The following GALNT18 variants were observed in gnomAD, a reference collection of about 807,000 sequenced individuals.
The protein encoded by GALNT18 is GalNAc-transferase 18.
GALNT18 carries 44 observed loss-of-function variants against 69.5 expected under a neutral mutation model. The ratio of observed to expected loss-of-function variants is 0.63; its 90% CI spans 0.50 to 0.81. The LOEUF (loss-of-function observed/expected upper bound fraction) is 0.81. Ranked by LOEUF, GALNT18 falls within the 40% of genes least tolerant of loss-of-function variation. The probability of loss-of-function intolerance (pLI) is 0.00; values close to 1 mark genes in which losing one functional copy is unlikely to be tolerated. For missense variants in GALNT18, 715 were observed against 810.0 expected, an observed-to-expected ratio of 0.88 and a Z score of 1.42; for synonymous variants, 364 against 318.2, an observed-to-expected ratio of 1.14 and a Z score of -1.53.
chr11:11,452,257 A>T (rs1471024785), intron 1 of GALNT18, among the ~76,000 whole-genome samples: 1 of 152,232 alleles, frequency 6.6e-6, no homozygotes, highest in African/African-American at 2.4e-5. Flanking sequence ...TTTATCCTCC[A>T]GCTCTACCAT....
In GALNT18 at chr11:11,523,239, A is replaced by G. The variant is rs945772608; in HGVS notation, c.236-74303T>C. Among the ~76,000 whole-genome samples, 1 of 152,180 alleles carries G rather than the reference A, an allele frequency of 6.6e-6. No individual in the cohort carries two copies. The highest frequency in any genetic ancestry group is 1.9e-4 in the East Asian group (1 of 5,180). On this transcript the variant is annotated intron_variant, in intron 1 of 10. Coordinates refer to ENST00000227756, the MANE Select transcript of GALNT18 (RefSeq NM_198516.3). The surrounding 1 kb of genome is among the most constrained non-coding windows in gnomAD (Gnocchi z 4.3). ...TTTCTTTCAAAGAACTGCAATCAGA[A>G]TAGGTCCTGCATGCCCTCCAAGTAC...
chr11:11,493,267 C>CAAAAAAAAA (rs142149447), intron 1 of GALNT18, among the ~76,000 whole-genome samples: 1 of 71,356 alleles, frequency 1.4e-5, no homozygotes, highest in African/African-American at 5.3e-5. Context: ...TCCTTCATCT[C>CAAAAAAAAA]AAAAAAAAAA....
At chr11:11,407,591 C>A (rs932623651) in intron 3 of GALNT18, among the ~76,000 whole-genome samples, 2 of 152,176 alleles carry the variant, frequency 1.3e-5, no homozygotes, top group Non-Finnish European at 1.5e-5. Flanking sequence ...ATGTAGCCAG[C>A]CAATGCTGCC....
intron 6 of GALNT18, among the ~76,000 whole-genome samples, chr11:11,345,264 A>C (rs1356360372): frequency 6.6e-6 from 1 of 152,222 alleles, no homozygotes; most frequent in Non-Finnish European, 1.5e-5. Context: ...CAGCCAGAAG[A>C]TGTGGACTCA....
chr11:11,485,469 G>A (rs958720244), intron 1 of GALNT18, among the ~76,000 whole-genome samples: 3 of 152,212 alleles, frequency 2.0e-5, no homozygotes, highest in African/African-American at 7.2e-5. Flanking sequence ...AGAAATGCAT[G>A]GTGTAAGGCA....
intron 6 of GALNT18, chr11:11,352,922 A>C (rs776047569): frequency 6.2e-7 from 1 of 1,613,796 alleles, no homozygotes; most frequent in Non-Finnish European, 8.5e-7. Context: ...GAATTTTAAC[A>C]ACAACTTTTT....
At chr11:11,547,029 A>G (rs1565005251) in intron 1 of GALNT18, among the ~76,000 whole-genome samples, 1 of 152,058 alleles carries the variant, frequency 6.6e-6, no homozygotes, top group Non-Finnish European at 1.5e-5. Flanking sequence ...CTTGGCTACT[A>G]CTTTTAAACT....
intron 6 of GALNT18, among the ~76,000 whole-genome samples, chr11:11,370,553 C>G (rs1157393918): frequency 6.6e-6 from 1 of 151,150 alleles, no homozygotes; most frequent in African/African-American, 2.4e-5. Context: ...TCCAATGACA[C>G]TTCATTTCTG....
At chr11:11,574,279 G>C (rs573534787) in intron 1 of GALNT18, among the ~76,000 whole-genome samples, 1 of 152,148 alleles carries the variant, frequency 6.6e-6, no homozygotes, top group Non-Finnish European at 1.5e-5. Context: ...AAAGTAGATG[G>C]CTTCTGAAGG....
rs914102374 is a variant in GALNT18, at chr11:11,344,884, C to A, written c.1093-3880G>T. ...TATGTAACCTCTTGGCTAACAAACA[C>A]CCATGACAATGGATACCACACCAGG... On this transcript the variant is annotated intron_variant, in intron 6 of 10. Coordinates refer to ENST00000227756, the MANE Select transcript of GALNT18 (RefSeq NM_198516.3). 7.0e-4 allele frequency among the ~76,000 whole-genome samples: 107 copies of A among 151,814 alleles called. 1 individual carries two copies. The highest frequency in any genetic ancestry group is 6.4e-3 in the Middle Eastern group (2 of 314).
Position 11,356,992 on chromosome 11 carries a change from C to G in GALNT18, c.1092+15523G>C, listed in dbSNP as rs1850542387. 6.6e-6 allele frequency among the ~76,000 whole-genome samples: 1 copy of G among 152,162 alleles called. No individual in the cohort carries two copies. Among genetic ancestry groups the G allele is most frequent in the South Asian group, 2.1e-4 (1 of 4,826 alleles). On this transcript the variant is annotated intron_variant, in intron 6 of 10. Coordinates refer to ENST00000227756, the MANE Select transcript of GALNT18 (RefSeq NM_198516.3). This position sits in a 1 kb window ranked among gnomAD's most constrained non-coding sequence, Gnocchi z 4.4. ...GGCTGGCTGGTGTGCTAGGGGATAACACGCAATAGCCACGGAGCTTCCTGC... is the reference window on the plus strand; with the variant it reads ...GGCTGGCTGGTGTGCTAGGGGATAAGACGCAATAGCCACGGAGCTTCCTGC...
chr11:11,345,589 T>C (rs915294944), intron 6 of GALNT18, among the ~76,000 whole-genome samples: 1 of 151,944 alleles, frequency 6.6e-6, no homozygotes, highest in African/African-American at 2.4e-5. Flanking sequence ...AATGTCCAAT[T>C]TGCAAATGGC....
At chr11:11,293,656 C>T (rs1283229925) in intron 9 of GALNT18, among the ~76,000 whole-genome samples, 1 of 150,520 alleles carries the variant, frequency 6.6e-6, no homozygotes, top group African/African-American at 2.4e-5. Flanking sequence ...ATTCTCCTGC[C>T]TCCGTCTCCT....
In GALNT18 at chr11:11,341,440, C is replaced by A. The variant is rs892869900; in HGVS notation, c.1093-436G>T. Among the ~76,000 whole-genome samples, 1 of 152,106 alleles carries A rather than the reference C, an allele frequency of 6.6e-6. No homozygotes were observed. The highest frequency in any genetic ancestry group is 2.4e-5 in the African/African-American group (1 of 41,416). On this transcript the variant is annotated intron_variant, in intron 6 of 10. Transcript: ENST00000227756. This position sits in a 1 kb window ranked among gnomAD's most constrained non-coding sequence, Gnocchi z 6.3. ...AGAGACTTCCTCTTCAAATGGACCA[C>A]ATGGGCCTGGACAAGAATTAGTGAT...
intron 10 of GALNT18, among the ~76,000 whole-genome samples, chr11:11,273,881 G>A (rs1564873232): frequency 6.6e-6 from 1 of 152,052 alleles, no homozygotes; most frequent in Admixed American, 6.6e-5. Context: ...ATGAGACTCT[G>A]GTTTCACTGT....
At chr11:11,560,196 G>GGTGGAACAGAATGGGATATGATGGGA (rs1565012900) in intron 1 of GALNT18, among the ~76,000 whole-genome samples, 1 of 120,364 alleles carries the variant, frequency 8.3e-6, no homozygotes, top group Non-Finnish European at 1.7e-5. Flanking sequence ...GATGGGATGG[G>GGTGGAACAGAATGGGATATGATGGGA]TGAGATAGAA....
At chr11:11,456,719 G>T (rs1314132738) in intron 1 of GALNT18, among the ~76,000 whole-genome samples, 5 of 152,100 alleles carry the variant, frequency 3.3e-5, no homozygotes, top group Non-Finnish European at 5.9e-5. Flanking sequence ...AGAGTGATGG[G>T]TTTCTAGAGA....
At position 11,510,236 on chromosome 11, in the gene GALNT18, G is replaced by A. The variant is rs575877648; in HGVS notation, c.236-61300C>T. On this transcript the variant is annotated intron_variant, in intron 1 of 10. Transcript: ENST00000227756. ...AAGGGTGTGGAAAGCCTCACAATAG[G>A]AAAACCACCTTTAATGGGAGCCCAT... is the stretch of plus-strand genomic sequence containing the variant. Among the ~76,000 whole-genome samples, 28 of 152,292 alleles carry A rather than the reference G, an allele frequency of 1.8e-4. No homozygotes were observed. In the South Asian group the frequency reaches 1.9e-3, roughly 10 times the overall value.
chr11:11,374,430 T>C (rs1850989092), intron 5 of GALNT18, among the ~76,000 whole-genome samples: 1 of 152,186 alleles, frequency 6.6e-6, no homozygotes, highest in African/African-American at 2.4e-5. Flanking sequence ...TAGAAGATCC[T>C]CTCTTTAAAT....
Sources: allele counts gnomAD v4.1 joint callset (sites outside exome capture counted in the v4.1 genomes callset), GRCh38; gene constraint gnomAD v4.1.1; non-coding constraint Gnocchi (gnomAD v3.1); transcripts MANE v1.5; gene names NCBI Gene and HGNC (gene_info 2026-07-23, HGNC 2026-07-21).